Variants in MIR2052HG observed in about 807,000 individuals in gnomAD.
MIR2052HG encodes the protein MIR2052 host gene.
intron 2 of MIR2052HG, among the ~76,000 whole-genome samples, chr8:74,658,756 T>A (rs182607267): frequency 2.6e-5 from 4 of 152,304 alleles, no homozygotes; most frequent in Admixed American, 1.3e-4. Flanking sequence ...TATCTTGATT[T>A]TTTTTCAAAT....
At chr8:74,648,407 A>G (rs1410231975) in intron 2 of MIR2052HG, among the ~76,000 whole-genome samples, 1 of 152,200 alleles carries the variant, frequency 6.6e-6, no homozygotes, top group African/African-American at 2.4e-5. Flanking sequence ...TAAGATGTTT[A>G]TCATGACAAT....
intron 1 of MIR2052HG, among the ~76,000 whole-genome samples, chr8:74,612,234 C>T (rs1045002909): frequency 6.6e-6 from 1 of 152,172 alleles, no homozygotes; most frequent in Admixed American, 6.5e-5. Context: ...CTACAGGTAT[C>T]CTTGAGAATT....
chr8:74,754,447 C>T (rs979271429), intron 5 of MIR2052HG, among the ~76,000 whole-genome samples: 2 of 152,102 alleles, frequency 1.3e-5, no homozygotes, highest in African/African-American at 4.8e-5. Context: ...TTTGGGGGCT[C>T]AGCCTAAGTA....
chr8:74,744,804 A>G (rs1809867526), intron 4 of MIR2052HG, among the ~76,000 whole-genome samples: 1 of 152,196 alleles, frequency 6.6e-6, no homozygotes, highest in Non-Finnish European at 1.5e-5. Context: ...TCAGGAAAAT[A>G]AAACAATGGG....
intron 2 of MIR2052HG, among the ~76,000 whole-genome samples, chr8:74,698,418 T>TG (rs1809323197): frequency 1.3e-5 from 2 of 152,052 alleles, no homozygotes; most frequent in South Asian, 4.1e-4. Flanking sequence ...AAGATAACAT[T>TG]GGAAAAACCC....
At chr8:74,662,858 T>TTGTGTGTG (rs68089808) in intron 2 of MIR2052HG, among the ~76,000 whole-genome samples, 1,827 of 144,288 alleles carry the variant, frequency 0.013, 33 homozygotes, top group African/African-American at 0.044. Flanking sequence ...AATGACTCAT[T>TTGTGTGTG]TGTGTGTGTG....
At chr8:74,629,836 G>A (rs1167373800) in intron 2 of MIR2052HG, among the ~76,000 whole-genome samples, 1 of 152,134 alleles carries the variant, frequency 6.6e-6, no homozygotes, top group African/African-American at 2.4e-5. Context: ...AACATCCTTA[G>A]CCCTGTGCTC....
At chr8:74,670,374 C>T (rs989266880) in intron 2 of MIR2052HG, among the ~76,000 whole-genome samples, 5 of 152,008 alleles carry the variant, frequency 3.3e-5, no homozygotes, top group Non-Finnish European at 7.4e-5. Context: ...CTATTCTTTC[C>T]GGTAATATGG....
intron 2 of MIR2052HG, among the ~76,000 whole-genome samples, chr8:74,652,885 T>G (rs1272366899): frequency 6.6e-5 from 10 of 152,136 alleles, no homozygotes; most frequent in Admixed American, 6.6e-4. Context: ...AGCAGAACTG[T>G]TAGCAGAATT....
At chr8:74,649,817 T>G (rs1301264755) in intron 2 of MIR2052HG, among the ~76,000 whole-genome samples, 6 of 152,218 alleles carry the variant, frequency 3.9e-5, no homozygotes, top group African/African-American at 1.4e-4. Context: ...TGTTGGGTTC[T>G]GGCAATATTT....
At chr8:74,753,834 A>C (rs1311272780) in intron 5 of MIR2052HG, among the ~76,000 whole-genome samples, 1 of 152,186 alleles carries the variant, frequency 6.6e-6, no homozygotes, top group African/African-American at 2.4e-5. Flanking sequence ...CCTAAAAACT[A>C]TGCTCTTCTC....
chr8:74,654,564 G>C (rs891955992), intron 2 of MIR2052HG, among the ~76,000 whole-genome samples: 4 of 152,056 alleles, frequency 2.6e-5, no homozygotes, highest in Non-Finnish European at 5.9e-5. Context: ...CTTATCAAGG[G>C]TTTCTGCTTT....
At chr8:74,753,465 T>C (rs1031153318) in intron 5 of MIR2052HG, among the ~76,000 whole-genome samples, 8 of 152,230 alleles carry the variant, frequency 5.3e-5, no homozygotes, top group African/African-American at 1.9e-4. Context: ...ATACTAAGAC[T>C]GAGAAATGTT....
At chr8:74,665,453 A>C (rs939346089) in intron 2 of MIR2052HG, among the ~76,000 whole-genome samples, 1 of 152,066 alleles carries the variant, frequency 6.6e-6, no homozygotes, top group Non-Finnish European at 1.5e-5. Context: ...ATCTCTATTG[A>C]AGCTCTTTTT....
chr8:74,643,987 T>C (rs73687191), intron 2 of MIR2052HG, among the ~76,000 whole-genome samples: 191 of 152,348 alleles, frequency 1.3e-3, no homozygotes, highest in African/African-American at 4.4e-3. Flanking sequence ...TACTTTTGTA[T>C]CCTCAGTGCT....
chr8:74,651,478 T>TA (rs1293272312), intron 2 of MIR2052HG, among the ~76,000 whole-genome samples: 2 of 152,110 alleles, frequency 1.3e-5, no homozygotes, highest in African/African-American at 4.8e-5. Context: ...ATAACATTTA[T>TA]AACATATTTT....
At chr8:74,610,706 A>G (rs1398257831) in intron 1 of MIR2052HG, among the ~76,000 whole-genome samples, 1 of 152,046 alleles carries the variant, frequency 6.6e-6, no homozygotes, top group Non-Finnish European at 1.5e-5. Context: ...GATTTTTGAC[A>G]AGGAACCAAA....
chr8:74,673,887 GTATATATATATA>G lies in MIR2052HG; in HGVS notation n.217-28479_217-28468del, dbSNP rs61228134. On this transcript the variant is annotated intron_variant and non_coding_transcript_variant, in intron 2 of 6. Coordinates refer to ENST00000523442, the Ensembl canonical transcript of MIR2052HG. Reference sequence around the variant, plus strand: ...GTCACAATCAACACAGTATTTTTTTGTATATATATATATATATATATATACACACACAAAATA... The same window carrying G: ...GTCACAATCAACACAGTATTTTTTTGTATATATATATACACACACAAAATA... Among the ~76,000 whole-genome samples, 16 of 121,668 alleles carry G rather than the reference GTATATATATATA, an allele frequency of 1.3e-4. No homozygotes were observed. In the East Asian group the frequency reaches 3.4e-3, roughly 26 times the overall value. 79.8% of individuals were successfully genotyped at this position (121,668 alleles called of 152,430 possible).
chr8:74,723,979 G>A (rs1380423310), intron 4 of MIR2052HG, among the ~76,000 whole-genome samples: 3 of 152,082 alleles, frequency 2.0e-5, no homozygotes, highest in Non-Finnish European at 4.4e-5. Context: ...AGACTCCCCA[G>A]CATTTAAACT....
Sources: gnomAD v4.1 joint callset for allele counts (sites outside exome capture counted in the v4.1 genomes callset) on GRCh38, gnomAD v4.1.1 for gene constraint, MANE v1.5 for transcripts, NCBI Gene and HGNC (gene_info 2026-07-23, HGNC 2026-07-21) for gene names.